The following PCBP3 variants were observed in gnomAD, a reference collection of about 807,000 sequenced individuals.
PCBP3 encodes the protein poly(rC)-binding protein 3.
In PCBP3, 25 loss-of-function variants were observed where a neutral mutation model predicts 52.7. The ratio of observed to expected loss-of-function variants is 0.47; its 90% CI spans 0.35 to 0.66. The LOEUF (loss-of-function observed/expected upper bound fraction) is 0.66, where lower values mean the gene tolerates loss of function less well. Among genes scored for constraint, PCBP3 ranks in the 30% least tolerant of loss-of-function variants. The pLI, the probability that PCBP3 is intolerant of heterozygous loss-of-function variation, is 0.01. For missense variants in PCBP3, 391 were observed against 490.3 expected (o/e 0.80, Z 1.91); for synonymous variants, 162 against 183.0 (o/e 0.89, Z 0.93).
intron 6 of PCBP3, 112 bp downstream of exon 6, chr21:45,896,474 C>T (rs2095828958): frequency 1.9e-6 from 2 of 1,045,296 alleles, no homozygotes; most frequent in Non-Finnish European, 2.8e-6. Flanking sequence ...GCACATAGAA[C>T]CGGAGATGCA....
intron 9 of PCBP3, among the ~76,000 whole-genome samples, chr21:45,902,997 G>A (rs576389210): frequency 6.6e-5 from 10 of 152,328 alleles, no homozygotes; most frequent in Admixed American, 1.3e-4. Flanking sequence ...AGGTGGCCTC[G>A]TTTTGGAACT....
intron 12 of PCBP3, chr21:45,916,792 T>G (rs778371024): frequency 1.3e-5 from 2 of 152,264 alleles, no homozygotes; most frequent in Non-Finnish European, 2.9e-5. Context: ...TTCGTGGTCT[T>G]CACTCTCCCT....
rs994525094 is a variant in PCBP3, at chr21:45,737,598, G to T, written c.-162+2169G>T. Among the ~76,000 whole-genome samples the T allele has an allele frequency of 1.3e-5, 2 of 152,218 alleles. No homozygotes were observed. The highest frequency in any genetic ancestry group is 4.8e-5 in the African/African-American group (2 of 41,460). ...ATGCAAGCCATGCCCCGGCAGCCAGGCTGAGAGGCAGAGCAAGCAGTGCAG... is the reference window on the plus strand; with the variant it reads ...ATGCAAGCCATGCCCCGGCAGCCAGTCTGAGAGGCAGAGCAAGCAGTGCAG... On this transcript the variant is annotated intron_variant, in intron 3 of 17. Coordinates refer to ENST00000681687, the MANE Select transcript of PCBP3 (RefSeq NM_001384156.1). This position sits in a 1 kb window ranked among gnomAD's most constrained non-coding sequence, Gnocchi z 4.9.
chr21:45,868,910 T>A (rs1603459009), intron 5 of PCBP3, among the ~76,000 whole-genome samples: 1 of 152,172 alleles, frequency 6.6e-6, no homozygotes, highest in South Asian at 2.1e-4. Context: ...CTCTTTCAGA[T>A]CCTGCCACAG....
chr21:45,853,517 CA>C lies in PCBP3; in HGVS notation c.10+3423del, dbSNP rs769307602. Among the ~76,000 whole-genome samples, 22 of 152,210 alleles carry C rather than the reference CA, an allele frequency of 1.4e-4. No homozygotes were observed. The highest frequency in any genetic ancestry group is 2.5e-4 in the Non-Finnish European group (17 of 68,038). On this transcript the variant is annotated intron_variant, in intron 5 of 17. Coordinates refer to ENST00000681687, the MANE Select transcript of PCBP3 (RefSeq NM_001384156.1). The surrounding 1 kb of genome is among the most constrained non-coding windows in gnomAD (Gnocchi z 4.6). ...GCCCGAGCAAGCAGCTCACGGGCCC[CA>C]GCGACAGAATTTTCTGGGGTTTCAA...
chr21:45,876,377 A>G (rs921382025), intron 5 of PCBP3, among the ~76,000 whole-genome samples: 3 of 152,204 alleles, frequency 2.0e-5, no homozygotes, highest in Admixed American at 6.5e-5. Flanking sequence ...GAGCCTGGCT[A>G]TGGTCAGGAA....
intron 4 of PCBP3, among the ~76,000 whole-genome samples, chr21:45,849,516 C>CT (rs1233489942): frequency 8.6e-5 from 13 of 151,840 alleles, no homozygotes; most frequent in East Asian, 1.9e-4. Flanking sequence ...TCAAATGTGC[C>CT]TTTTTTTTCC....
At chr21:45,759,496 G>A (rs899894399) in intron 4 of PCBP3, among the ~76,000 whole-genome samples, 3 of 152,126 alleles carry the variant, frequency 2.0e-5, no homozygotes, top group Non-Finnish European at 4.4e-5. Context: ...GTTACATTAT[G>A]TCAGACGTTC....
intron 4 of PCBP3, among the ~76,000 whole-genome samples, chr21:45,781,936 A>G (rs1320860532): frequency 6.6e-6 from 1 of 152,198 alleles, no homozygotes; most frequent in Non-Finnish European, 1.5e-5. Context: ...TGCACAATAT[A>G]TATACTTACG....
At chr21:45,658,903 A>C (rs566765449) in intron 1 of PCBP3, among the ~76,000 whole-genome samples, 1 of 151,802 alleles carries the variant, frequency 6.6e-6, no homozygotes, top group African/African-American at 2.4e-5. Flanking sequence ...CTGTCTTTCT[A>C]GGAATTTGTG....
At chr21:45,906,061 G>A (rs2096196160) in intron 9 of PCBP3, among the ~76,000 whole-genome samples, 1 of 152,200 alleles carries the variant, frequency 6.6e-6, no homozygotes, top group Admixed American at 6.5e-5. Flanking sequence ...GTCTTAATGA[G>A]GACCTGGAAA....
At chr21:45,749,762 G>C (rs563601620) in intron 3 of PCBP3, 2 of 152,240 alleles carry the variant, frequency 1.3e-5, no homozygotes, top group African/African-American at 4.8e-5. Flanking sequence ...GGGAATGGGG[G>C]TGTCCTCTCA....
chr21:45,890,095 G>C (rs1263568138), intron 5 of PCBP3, among the ~76,000 whole-genome samples: 1 of 152,236 alleles, frequency 6.6e-6, no homozygotes, highest in Non-Finnish European at 1.5e-5. Context: ...ACGTGGCCTC[G>C]CAGCTGTCTA....
chr21:45,775,801 T>C (rs1358353844), intron 4 of PCBP3, among the ~76,000 whole-genome samples: 1 of 152,238 alleles, frequency 6.6e-6, no homozygotes, highest in Non-Finnish European at 1.5e-5. Context: ...GTTTCATTCA[T>C]CCTTTGTATT....
At position 45,876,894 on chromosome 21, in the gene PCBP3, G is replaced by T. The variant is rs538423330; in HGVS notation, c.11-19314G>T. Among the ~76,000 whole-genome samples, 586 of 152,364 alleles carry T rather than the reference G, an allele frequency of 3.8e-3. 2 individuals are homozygous for T. The highest frequency in any genetic ancestry group is 0.01 in the Middle Eastern group (3 of 294). ...GCTGGCTGCGACAGCGCTCGCTGCGGCTGCGAGGACCCCAGATGGCGCTTT... is the reference window on the plus strand; with the variant it reads ...GCTGGCTGCGACAGCGCTCGCTGCGTCTGCGAGGACCCCAGATGGCGCTTT... On this transcript the variant is annotated intron_variant, in intron 5 of 17. Coordinates refer to ENST00000681687, the MANE Select transcript of PCBP3 (RefSeq NM_001384156.1).
chr21:45,687,505 AAAC>A (rs1259483935), intron 2 of PCBP3, among the ~76,000 whole-genome samples: 1 of 152,196 alleles, frequency 6.6e-6, no homozygotes, highest in Non-Finnish European at 1.5e-5. Flanking sequence ...CAGATGAAAT[AAAC>A]AACAAACAAG....
chr21:45,819,473 G>A (rs1465967307), intron 4 of PCBP3, among the ~76,000 whole-genome samples: 1 of 152,344 alleles, frequency 6.6e-6, no homozygotes, highest in South Asian at 2.1e-4. Context: ...CAAGTAAGCG[G>A]ATGCAGGTGC....
chr21:45,824,613 G>A lies in PCBP3; in HGVS notation c.-125-25348G>A, dbSNP rs145926147. ...TCTCAGCCCTCCCTGCCCTGGTCTT[G>A]TCTCTAGGGCCTGTGGGTCTTTGTG... On this transcript the variant is annotated intron_variant, in intron 4 of 17. Coordinates refer to ENST00000681687, the MANE Select transcript of PCBP3 (RefSeq NM_001384156.1). Among the ~76,000 whole-genome samples, 83 of 152,334 alleles carry A rather than the reference G, an allele frequency of 5.4e-4. 1 individual carries two copies. In the East Asian group the frequency reaches 7.7e-3, roughly 14 times the overall value.
intron 13 of PCBP3, among the ~76,000 whole-genome samples, chr21:45,925,234 T>C (rs1412547566): frequency 6.6e-6 from 1 of 152,248 alleles, no homozygotes; most frequent in Non-Finnish European, 1.5e-5. Flanking sequence ...CGCAGGTCTC[T>C]GTCTCATTCC....
Sources: allele counts gnomAD v4.1 joint callset (sites outside exome capture counted in the v4.1 genomes callset), GRCh38; gene constraint gnomAD v4.1.1; non-coding constraint Gnocchi (gnomAD v3.1); transcripts MANE v1.5; gene names NCBI Gene and HGNC (gene_info 2026-07-23, HGNC 2026-07-21).